Variants in TTLL11 observed in about 807,000 individuals in gnomAD.
The protein encoded by TTLL11 is tubulin polyglutamylase TTLL11.
In TTLL11, 42 loss-of-function variants were observed where a neutral mutation model predicts 51.7. The ratio of observed to expected loss-of-function variants is 0.81; its 90% confidence interval spans 0.64 to 1.05. The LOEUF is 1.05. TTLL11 is among the 50% of genes least tolerant of loss of function. TTLL11 has a pLI of 0.00. For synonymous variants in TTLL11, 381 were observed against 383.5 expected, an observed-to-expected ratio of 0.99 and a Z score of 0.08; for missense variants, 799 against 940.4, an observed-to-expected ratio of 0.85 and a Z score of 1.97.
chr9:121,901,524 A>G (rs772417756), intron 6 of TTLL11, among the ~76,000 whole-genome samples: 1 of 152,134 alleles, frequency 6.6e-6, no homozygotes, highest in Non-Finnish European at 1.5e-5. Flanking sequence ...CAAGTCACAC[A>G]GATAATGTGA....
At chr9:121,873,511 C>T (rs564807736) in intron 6 of TTLL11, among the ~76,000 whole-genome samples, 19 of 151,760 alleles carry the variant, frequency 1.3e-4, no homozygotes, top group Admixed American at 3.3e-4. Context: ...AGGGTTTCAC[C>T]ATGTTGGTCA....
At chr9:121,827,987 G>A (rs1355833606) in intron 8 of TTLL11, among the ~76,000 whole-genome samples, 2 of 152,124 alleles carry the variant, frequency 1.3e-5, no homozygotes, top group East Asian at 1.9e-4. Flanking sequence ...AGGCAGAACT[G>A]GGGCTTTCGC....
chr9:121,993,498 A>G (rs1417797760), intron 3 of TTLL11, among the ~76,000 whole-genome samples: 1 of 152,232 alleles, frequency 6.6e-6, no homozygotes, highest in African/African-American at 2.4e-5. Context: ...GGGTCAGACT[A>G]AGGTCCCTGG....
At chr9:121,970,560 A>G (rs1357672003) in intron 6 of TTLL11, among the ~76,000 whole-genome samples, 1 of 152,336 alleles carries the variant, frequency 6.6e-6, no homozygotes, top group East Asian at 1.9e-4. Context: ...ACACTTCTCA[A>G]AAGAAGACAT....
chr9:121,926,530 G>A (rs528153745), intron 6 of TTLL11, among the ~76,000 whole-genome samples: 1 of 152,328 alleles, frequency 6.6e-6, no homozygotes, highest in South Asian at 2.1e-4. Context: ...CACAGCCCTG[G>A]AGGTGGTGCT....
At chr9:122,080,519 C>CAA (rs545711106) in intron 1 of TTLL11, among the ~76,000 whole-genome samples, 6,599 of 150,034 alleles carry the variant, frequency 0.044, 299 homozygotes, top group Admixed American at 0.12. Context: ...CCCATCTCTA[C>CAA]AAAAAAAAAT....
chr9:121,826,555 G>GTATATA lies in TTLL11; in HGVS notation c.1841-3677_1841-3676insTATATA, dbSNP rs1230489015. 5.0e-4 allele frequency among the ~76,000 whole-genome samples: 24 copies of GTATATA among 48,108 alleles called. 4 individuals carry two copies. The highest frequency in any genetic ancestry group is 2.3e-3 in the African/African-American group (24 of 10,546). The allele number at this position is 48,108 out of a possible 152,430, so 31.6% of individuals were successfully genotyped here. Reference sequence around the variant, plus strand: ...TGTGTGTGTATATATATATATGTGTGTGTATATATATATATATATATATAT... The same window carrying GTATATA: ...TGTGTGTGTATATATATATATGTGTGTATATATGTATATATATATATATATATATAT... On this transcript the variant is annotated intron_variant, in intron 8 of 8. Transcript: ENST00000321582.
chr9:121,980,711 G>A (rs927972278), intron 4 of TTLL11, among the ~76,000 whole-genome samples: 3 of 152,226 alleles, frequency 2.0e-5, no homozygotes, highest in African/African-American at 7.2e-5. Flanking sequence ...ACATGCACAT[G>A]TATGTTTATT....
chr9:122,082,528 G>A (rs12376698), intron 1 of TTLL11, among the ~76,000 whole-genome samples: 28,923 of 145,912 alleles, frequency 0.2, 3,157 homozygotes, highest in Non-Finnish European at 0.24. Flanking sequence ...AAAAGAATCT[G>A]AAGAGTGATG....
At chr9:122,055,747 C>T (rs1845275660) in intron 1 of TTLL11, among the ~76,000 whole-genome samples, 1 of 152,228 alleles carries the variant, frequency 6.6e-6, no homozygotes, top group Non-Finnish European at 1.5e-5. Flanking sequence ...CAAAGCTCCA[C>T]ACCACCTTGT....
intron 4 of TTLL11, among the ~76,000 whole-genome samples, chr9:121,980,720 T>C (rs547349193): frequency 4.6e-5 from 7 of 152,384 alleles, no homozygotes; most frequent in African/African-American, 1.7e-4. Flanking sequence ...TGTATGTTTA[T>C]TGTGGCACTA....
rs1033790962 is a variant in TTLL11 at position 121,822,716 on chromosome 9, C to A, written c.2004G>T (p.Ser668=). The part of the protein sequence containing the change: ...KRLVCGRGVP[S]GGRPPHRGPP... ...GGCCACGGTGTGGGGGCCGGCCCCC[C>A]GACGGGACGCCCCGGCCACACACCA... Residue 668 remains serine (S), a synonymous_variant, in exon 9 of 9, where the codon TCG becomes TCT. Transcript: ENST00000321582. This position sits in a 1 kb window ranked among gnomAD's most constrained non-coding sequence, Gnocchi z 5.8. 1 of 1,550,650 alleles carries A rather than the reference C, an allele frequency of 6.4e-7. No individual in the cohort carries two copies. Among genetic ancestry groups the A allele is most frequent in the African/African-American group, 1.4e-5 (1 of 73,020 alleles).
At chr9:121,875,214 A>T (rs1396125264) in intron 6 of TTLL11, among the ~76,000 whole-genome samples, 1 of 152,152 alleles carries the variant, frequency 6.6e-6, no homozygotes, top group Non-Finnish European at 1.5e-5. Flanking sequence ...CAGATAGATA[A>T]GGTCATTTGA....
chr9:121,957,219 G>A (rs1395131413), intron 6 of TTLL11, among the ~76,000 whole-genome samples: 1 of 152,076 alleles, frequency 6.6e-6, no homozygotes, highest in Non-Finnish European at 1.5e-5. Context: ...ATCAGGGGGC[G>A]CCTTCTACCA....
At chr9:121,959,249 C>A (rs1192016783) in intron 6 of TTLL11, among the ~76,000 whole-genome samples, 1 of 152,152 alleles carries the variant, frequency 6.6e-6, no homozygotes, top group Non-Finnish European at 1.5e-5. Context: ...CCACATTTGC[C>A]ACCGAAATCA....
chr9:121,961,940 C>T (rs1842240986), intron 6 of TTLL11, among the ~76,000 whole-genome samples: 1 of 152,098 alleles, frequency 6.6e-6, no homozygotes, highest in Non-Finnish European at 1.5e-5. Context: ...CCTGTGATAC[C>T]AGCTACTCGG....
At chr9:121,874,901 C>T (rs932428921) in intron 6 of TTLL11, among the ~76,000 whole-genome samples, 6 of 151,800 alleles carry the variant, frequency 4.0e-5, no homozygotes, top group East Asian at 1.9e-4. Context: ...GAACTACAGG[C>T]GTGTGCCACT....
chr9:121,903,847 TA>T (rs1326307955), intron 6 of TTLL11, among the ~76,000 whole-genome samples: 1 of 152,216 alleles, frequency 6.6e-6, no homozygotes, highest in East Asian at 1.9e-4. Flanking sequence ...TAGGTAAATG[TA>T]AAGTATTGAA....
intron 4 of TTLL11, among the ~76,000 whole-genome samples, chr9:121,986,702 G>A (rs1213400286): frequency 6.6e-6 from 1 of 151,968 alleles, no homozygotes; most frequent in African/African-American, 2.4e-5. Flanking sequence ...AATCCTGCTG[G>A]CTGGCGCCTA....
Sources: gnomAD v4.1 joint callset for allele counts (sites outside exome capture counted in the v4.1 genomes callset) on GRCh38, gnomAD v4.1.1 for gene constraint, Gnocchi (gnomAD v3.1) non-coding constraint, MANE v1.5 for transcripts, NCBI Gene and HGNC (gene_info 2026-07-23, HGNC 2026-07-21) for gene names.